The following C3orf70 variants were observed in gnomAD, a reference collection of about 807,000 sequenced individuals.
The protein encoded by C3orf70 is UPF0524 protein C3orf70.
C3orf70 carries 15 observed loss-of-function variants against 20.7 expected under a neutral mutation model. That is an observed-to-expected ratio of 0.72 (90% CI 0.48 to 1.11). C3orf70 has a LOEUF of 1.11. Ranked by LOEUF, C3orf70 falls within the 50% of genes most tolerant of loss-of-function variation. The pLI is 0.00. For missense variants in C3orf70, 332 were observed against 317.6 expected (o/e 1.05, Z -0.34); for synonymous variants, 161 against 125.7 (o/e 1.28, Z -1.88).
At chr3:185,136,941 AC>A (rs1716641144) in intron 1 of C3orf70, among the ~76,000 whole-genome samples, 2 of 151,182 alleles carry the variant, frequency 1.3e-5, no homozygotes, top group Admixed American at 6.6e-5. Context: ...AACAACAACA[AC>A]AACAACAAAC....
intron 1 of C3orf70, among the ~76,000 whole-genome samples, chr3:185,102,221 T>C (rs1433231327): frequency 6.6e-6 from 1 of 152,132 alleles, no homozygotes; most frequent in Non-Finnish European, 1.5e-5. Context: ...TTCAGCAAAG[T>C]CTCAGGATAC....
intron 1 of C3orf70, among the ~76,000 whole-genome samples, chr3:185,093,876 C>T (rs1715644210): frequency 6.6e-6 from 1 of 152,016 alleles, no homozygotes; most frequent in African/African-American, 2.4e-5. Context: ...TAGATACAGT[C>T]ATCCCTCAGG....
At chr3:185,124,376 T>G (rs73887820) in intron 1 of C3orf70, among the ~76,000 whole-genome samples, 7,890 of 152,266 alleles carry the variant, frequency 0.052, 656 homozygotes, top group African/African-American at 0.18. Context: ...GGAATTAGAA[T>G]GGCTAAAACA....
At chr3:185,120,226 A>G (rs1716269923) in intron 1 of C3orf70, among the ~76,000 whole-genome samples, 1 of 152,130 alleles carries the variant, frequency 6.6e-6, no homozygotes, top group African/African-American at 2.4e-5. Flanking sequence ...GAAAGAAGCA[A>G]ATTTTGAAAA....
chr3:185,122,538 T>C (rs572105717), intron 1 of C3orf70, among the ~76,000 whole-genome samples: 1 of 152,224 alleles, frequency 6.6e-6, no homozygotes, highest in Non-Finnish European at 1.5e-5. Context: ...TTATTGTCTT[T>C]ATTTGGAAAT....
chr3:185,117,479 A>AG (rs1422138538), intron 1 of C3orf70, among the ~76,000 whole-genome samples: 1 of 151,022 alleles, frequency 6.6e-6, no homozygotes, highest in African/African-American at 2.4e-5. Flanking sequence ...AGAGAGAGAG[A>AG]AAAGCCACTG....
chr3:185,092,232 G>C (rs1011180319), intron 1 of C3orf70, among the ~76,000 whole-genome samples: 2 of 151,946 alleles, frequency 1.3e-5, no homozygotes, highest in Non-Finnish European at 2.9e-5. Flanking sequence ...TCAGTATCTG[G>C]TGCACTGTAA....
At chr3:185,120,033 A>AAAAGAAAAAGAAAG (rs1553920939) in intron 1 of C3orf70, among the ~76,000 whole-genome samples, 8 of 100,782 alleles carry the variant, frequency 7.9e-5, no homozygotes, top group Non-Finnish European at 1.4e-4. Flanking sequence ...AAAAAAAAAA[A>AAAAGAAAAAGAAAG]AAAAAGAAAA....
chr3:185,127,936 A>AT lies in C3orf70; in HGVS notation c.196+24691dup, dbSNP rs1241078794. 2.0e-5 allele frequency among the ~76,000 whole-genome samples: 3 copies of AT among 152,222 alleles called. No individual in the cohort carries two copies. In the East Asian group the frequency reaches 5.8e-4, roughly 29 times the overall value. ...CCTCAAGAACAGCTTCAATTTTTTCATTAGTGTGGATTCACTAAAACAAAC... is the reference window on the plus strand; with the variant it reads ...CCTCAAGAACAGCTTCAATTTTTTCATTTAGTGTGGATTCACTAAAACAAAC... On this transcript the variant is annotated intron_variant, in intron 1 of 1. Transcript: ENST00000335012.
chr3:185,079,616 T>A lies in C3orf70; in HGVS notation c.*3391A>T, dbSNP rs1715289084. ...TTTCTTGGAAAAGTTATAAGCATAT[T>A]TGAAACTTGAAACTTCTAAAATCTT... On this transcript the variant is annotated 3_prime_UTR_variant, in exon 2 of 2. Coordinates refer to ENST00000335012, the MANE Select transcript of C3orf70 (RefSeq NM_001025266.3). The A allele has an allele frequency of 6.6e-6, 1 of 152,244 alleles. No homozygotes were observed. The highest frequency in any genetic ancestry group is 6.5e-5 in the Admixed American group (1 of 15,286). The allele number at this position is 152,244 out of a possible 1,614,324, so 9.4% of individuals were successfully genotyped here. A position where few individuals can be genotyped will look rare whatever the true frequency, so the allele number is the denominator to read the frequency against.
rs532824653 is a variant in C3orf70, at chr3:185,122,191, T to A, written c.196+30437A>T. Among the ~76,000 whole-genome samples the A allele has an allele frequency of 1.4e-3, 211 of 151,644 alleles. 2 individuals carry two copies. The highest frequency in any genetic ancestry group is 5.7e-3 in the Admixed American group (87 of 15,254). ...TAGAGTGACTATATAAATATCAAAG[T>A]AGATGATTCCAGAACCAGTAATATT... On this transcript the variant is annotated intron_variant, in intron 1 of 1. Coordinates refer to ENST00000335012, the MANE Select transcript of C3orf70 (RefSeq NM_001025266.3).
intron 1 of C3orf70, among the ~76,000 whole-genome samples, chr3:185,146,986 A>G (rs1716890439): frequency 6.6e-6 from 1 of 152,258 alleles, no homozygotes; most frequent in Admixed American, 6.5e-5. Flanking sequence ...TAGCGCAGCC[A>G]TAAGGACCAG....
At chr3:185,126,876 G>A (rs1388435105) in intron 1 of C3orf70, among the ~76,000 whole-genome samples, 3 of 152,142 alleles carry the variant, frequency 2.0e-5, no homozygotes, top group Non-Finnish European at 4.4e-5. Flanking sequence ...TTTTAAACAT[G>A]CAAGAAATCA....
chr3:185,152,030 T>G (rs1716997304), intron 1 of C3orf70, among the ~76,000 whole-genome samples: 1 of 152,224 alleles, frequency 6.6e-6, no homozygotes, highest in East Asian at 1.9e-4. Context: ...AAATTCTACA[T>G]CTGGGTATTT....
At position 185,078,427 on chromosome 3, in the gene C3orf70, TTATC is replaced by T. The variant is rs551318401; in HGVS notation, c.*4576_*4579del. On this transcript the variant is annotated 3_prime_UTR_variant, in exon 2 of 2. Transcript: ENST00000335012. ...TTTTCCTAGAACAGCTAACTCTCAG[TTATC>T]TACAGTAATGAAAAAGAGCAGTGAC... 1.2e-3 allele frequency: 189 copies of T among 152,348 alleles called. 1 individual carries two copies. Among genetic ancestry groups the T allele is most frequent in the African/African-American group, 4.4e-3 (184 of 41,584 alleles). The allele number at this position is 152,348 out of a possible 1,614,324, so 9.4% of individuals were successfully genotyped here. A position where few individuals can be genotyped will look rare whatever the true frequency, so the allele number is the denominator to read the frequency against.
Position 185,079,258 on chromosome 3 carries a change from G to A in C3orf70, c.*3749C>T, listed in dbSNP as rs966234518. ...ATCGCGCCACTGCACTCCAGCCTGG[G>A]TGAAGGAGCGAGACTCTGTCTCAAA... On this transcript the variant is annotated 3_prime_UTR_variant, in exon 2 of 2. Transcript: ENST00000335012. 1.5e-5 allele frequency: 2 copies of A among 129,632 alleles called. No homozygotes were observed. Among genetic ancestry groups the A allele is most frequent in the Admixed American group, 7.6e-5 (1 of 13,190 alleles). The allele number at this position is 129,632 out of a possible 1,614,324, so 8.0% of individuals were successfully genotyped here.
intron 1 of C3orf70, among the ~76,000 whole-genome samples, chr3:185,093,143 T>C (rs535122720): frequency 3.9e-5 from 6 of 152,274 alleles, no homozygotes; most frequent in African/African-American, 1.4e-4. Flanking sequence ...CATGCTGATA[T>C]CTGGATTTCA....
intron 1 of C3orf70, among the ~76,000 whole-genome samples, chr3:185,107,733 T>C (rs1715975220): frequency 6.6e-6 from 1 of 152,354 alleles, no homozygotes; most frequent in South Asian, 2.1e-4. Flanking sequence ...AAATGGAGAA[T>C]GTTAACTGAC....
chr3:185,138,082 G>C (rs76864625), intron 1 of C3orf70, among the ~76,000 whole-genome samples: 7,662 of 152,130 alleles, frequency 0.05, 301 homozygotes, highest in Non-Finnish European at 0.074. Flanking sequence ...ATACCATGGA[G>C]ACAACAAAAG....
Sources: gnomAD v4.1 joint callset for allele counts (sites outside exome capture counted in the v4.1 genomes callset) on GRCh38, gnomAD v4.1.1 for gene constraint, MANE v1.5 for transcripts, NCBI Gene and HGNC (gene_info 2026-07-23, HGNC 2026-07-21) for gene names.